Variants in RFTN2 observed in about 807,000 individuals in gnomAD.
RFTN2 encodes the protein raftlin-2.
In RFTN2, 34 loss-of-function variants were observed where a neutral mutation model predicts 52.7. The ratio of observed to expected loss-of-function variants is 0.64; its 90% CI spans 0.49 to 0.86. The LOEUF is 0.86. RFTN2 is among the 40% of genes least tolerant of loss of function. RFTN2 has a pLI of 0.00. For synonymous variants in RFTN2, 203 were observed against 217.7 expected, an observed-to-expected ratio of 0.93 and a Z score of 0.59; for missense variants, 536 against 600.1, an observed-to-expected ratio of 0.89 and a Z score of 1.12.
At position 197,664,673 on chromosome 2, in the gene RFTN2, T is replaced by C. The variant is rs1465731427; in HGVS notation, c.139+10647A>G. On this transcript the variant is annotated intron_variant, in intron 1 of 8. Transcript: ENST00000295049. ...GGTGGTACATGGTTGTGGTCCCGGCTACTTGGGAGGCTGAGGTGGGAGGAT... is the reference window on the plus strand; with the variant it reads ...GGTGGTACATGGTTGTGGTCCCGGCCACTTGGGAGGCTGAGGTGGGAGGAT... Among the ~76,000 whole-genome samples, 6 of 151,650 alleles carry C rather than the reference T, an allele frequency of 4.0e-5. No individual in the cohort carries two copies. In the East Asian group the frequency reaches 1.2e-3, roughly 29 times the overall value.
At chr2:197,573,111 G>A (rs991641121) in intron 8 of RFTN2, among the ~76,000 whole-genome samples, 1 of 151,890 alleles carries the variant, frequency 6.6e-6, no homozygotes, top group Non-Finnish European at 1.5e-5. Context: ...TGGCGGGGGT[G>A]GGGGGTGCTA....
chr2:197,598,905 G>A (rs932654032), intron 7 of RFTN2, among the ~76,000 whole-genome samples: 1 of 151,928 alleles, frequency 6.6e-6, no homozygotes, highest in Non-Finnish European at 1.5e-5. Context: ...AAACAAAAAG[G>A]GCTTATTTTC....
At chr2:197,583,182 C>T (rs2087538540) in intron 8 of RFTN2, among the ~76,000 whole-genome samples, 1 of 152,222 alleles carries the variant, frequency 6.6e-6, no homozygotes, top group African/African-American at 2.4e-5. Context: ...ATCTGCTATT[C>T]TACTACCCCT....
intron 1 of RFTN2, among the ~76,000 whole-genome samples, chr2:197,655,034 CAAAA>C (rs1337755780): frequency 6.6e-6 from 1 of 151,994 alleles, no homozygotes; most frequent in African/African-American, 2.4e-5. Flanking sequence ...AACAAAAAAA[CAAAA>C]AACTATACAA....
chr2:197,619,649 G>C (rs1474658199), intron 5 of RFTN2, among the ~76,000 whole-genome samples: 1 of 148,274 alleles, frequency 6.7e-6, no homozygotes, highest in East Asian at 2.0e-4. Context: ...AGAGACCTTT[G>C]TTCACTTGTT....
intron 1 of RFTN2, among the ~76,000 whole-genome samples, chr2:197,667,015 G>GT (rs1021854490): frequency 5.9e-4 from 90 of 152,034 alleles, no homozygotes; most frequent in African/African-American, 2.1e-3. Flanking sequence ...TTTGAGACAA[G>GT]TTCTCACTTG....
At chr2:197,614,819 TC>T (rs1487498548) in intron 7 of RFTN2, among the ~76,000 whole-genome samples, 1 of 152,216 alleles carries the variant, frequency 6.6e-6, no homozygotes, top group Non-Finnish European at 1.5e-5. Flanking sequence ...TTATTACTAT[TC>T]TGTTATTTGA....
chr2:197,618,543 G>A (rs1364735558), intron 5 of RFTN2, among the ~76,000 whole-genome samples: 3 of 152,044 alleles, frequency 2.0e-5, no homozygotes, highest in Admixed American at 6.6e-5. Context: ...CCGCCTGGCC[G>A]CCCATCGTCT....
chr2:197,593,869 A>T, intron 8 of RFTN2, among the ~76,000 whole-genome samples: 1 of 143,138 alleles, frequency 7.0e-6, no homozygotes. Flanking sequence ...CTGGCAACAG[A>T]GTGAGACTCC....
At chr2:197,597,436 C>T (rs547554140) in intron 7 of RFTN2, among the ~76,000 whole-genome samples, 2 of 152,178 alleles carry the variant, frequency 1.3e-5, no homozygotes, top group Non-Finnish European at 2.9e-5. Flanking sequence ...CAGACAGTTC[C>T]TGGGTTCAAA....
In RFTN2 at chr2:197,638,868, C is replaced by T. The variant is rs1186255394; in HGVS notation, c.439-4871G>A. 5.5e-3 allele frequency among the ~76,000 whole-genome samples: 822 copies of T among 150,436 alleles called. 10 individuals are homozygous for T. The highest frequency in any genetic ancestry group is 0.017 in the African/African-American group (687 of 40,864). On this transcript the variant is annotated intron_variant, in intron 3 of 8. Coordinates refer to ENST00000295049, the MANE Select transcript of RFTN2 (RefSeq NM_144629.3). ...TTTACATTTTGGCATGATTTTGCAG[C>T]GGCTGGTACCGGTTGTTCCTTTCCA...
intron 8 of RFTN2, among the ~76,000 whole-genome samples, chr2:197,586,919 A>G (rs2087608449): frequency 6.6e-6 from 1 of 152,154 alleles, no homozygotes; most frequent in Non-Finnish European, 1.5e-5. Context: ...GTAAGACAAC[A>G]TAAAAAAACT....
chr2:197,588,657 AACGTAAGTTTTTATTTCTCTAGGTTAAAC>A (rs1266112299), intron 8 of RFTN2, among the ~76,000 whole-genome samples: 3 of 152,210 alleles, frequency 2.0e-5, no homozygotes, highest in Non-Finnish European at 4.4e-5. Context: ...TTTCTGTGTG[AACGTAAGTTTTTATTTCTCTAGGTTAAAC>A]ACCCAAGACA....
At chr2:197,576,592 TTTG>T (rs1454591141) in intron 8 of RFTN2, among the ~76,000 whole-genome samples, 7 of 152,102 alleles carry the variant, frequency 4.6e-5, no homozygotes, top group Admixed American at 2.0e-4. Context: ...CTTACAGAAG[TTTG>T]TTAATGATTC....
At chr2:197,627,335 T>C (rs1257030441) in intron 5 of RFTN2, among the ~76,000 whole-genome samples, 1 of 152,204 alleles carries the variant, frequency 6.6e-6, no homozygotes, top group Non-Finnish European at 1.5e-5. Context: ...CATAATATCC[T>C]CTATGGTCAT....
chr2:197,582,945 C>T (rs1036744688), intron 8 of RFTN2, among the ~76,000 whole-genome samples: 1 of 152,202 alleles, frequency 6.6e-6, no homozygotes. Flanking sequence ...GTCACTCCCA[C>T]CTACTCCCCC....
At chr2:197,594,015 CTT>C (rs11352058) in intron 8 of RFTN2, among the ~76,000 whole-genome samples, 174 of 95,954 alleles carry the variant, frequency 1.8e-3, no homozygotes, top group Middle Eastern at 5.7e-3. Flanking sequence ...CAGAATATTT[CTT>C]TTTTTTTTTT....
At chr2:197,576,704 G>A (rs932469901) in intron 8 of RFTN2, among the ~76,000 whole-genome samples, 10 of 152,164 alleles carry the variant, frequency 6.6e-5, no homozygotes, top group Admixed American at 5.2e-4. Context: ...AGGGGATTTT[G>A]TGAGCTACTG....
In RFTN2 at chr2:197,675,316, G is replaced by A; in HGVS notation, c.139+4C>T. ...TTAACAAACAAAATAGAAGCAAAAAGTACCTTGTAGAGTAAAATCCAGCAA... is the reference window on the plus strand; with the variant it reads ...TTAACAAACAAAATAGAAGCAAAAAATACCTTGTAGAGTAAAATCCAGCAA... On this transcript the variant is annotated splice_donor_region_variant and intron_variant, in intron 1 of 8. Coordinates refer to ENST00000295049, the MANE Select transcript of RFTN2 (RefSeq NM_144629.3). The A allele has an allele frequency of 1.3e-6, 2 of 1,582,306 alleles. No homozygotes were observed. The highest frequency in any genetic ancestry group is 1.7e-6 in the Non-Finnish European group (2 of 1,166,238).
Sources: gnomAD v4.1 joint callset for allele counts (sites outside exome capture counted in the v4.1 genomes callset) on GRCh38, gnomAD v4.1.1 for gene constraint, MANE v1.5 for transcripts, NCBI Gene and HGNC (gene_info 2026-07-23, HGNC 2026-07-21) for gene names.